Variants in ESRRG observed in about 807,000 individuals in gnomAD.
The protein encoded by ESRRG is estrogen related receptor gamma, also known as estrogen-related receptor gamma.
Under a neutral mutation model 44.0 loss-of-function variants are expected in ESRRG, and 13 were observed. The observed-to-expected ratio is 0.30, with a 90% CI of 0.19 to 0.47. The LOEUF (loss-of-function observed/expected upper bound fraction) is 0.47. Among genes scored for constraint, ESRRG ranks in the 20% least tolerant of loss-of-function variants. The probability of loss-of-function intolerance (pLI) is 1.00; values close to 1 mark genes in which losing one functional copy is unlikely to be tolerated. For missense variants in ESRRG, 395 were observed against 580.6 expected, an observed-to-expected ratio of 0.68 and a Z score of 3.29; for synonymous variants, 215 against 214.6, an observed-to-expected ratio of 1.00 and a Z score of -0.02.
rs567497746 is a variant in ESRRG at position 217,045,948 on chromosome 1, G to C, written c.-106+43559C>G. ...AAAATAAAATCAAAGTATATAGTTA[G>C]TATAGATTGAGATGCCTTTCCATTT... On this transcript the variant is annotated intron_variant, in intron 1 of 7. Transcript: ENST00000359162. Among the ~76,000 whole-genome samples, 378 of 152,180 alleles carry C rather than the reference G, an allele frequency of 2.5e-3. 1 individual carries two copies. The highest frequency in any genetic ancestry group is 4.4e-3 in the Non-Finnish European group (297 of 68,004).
At chr1:216,681,450 C>G (rs948319192) in intron 1 of ESRRG, among the ~76,000 whole-genome samples, 2 of 152,258 alleles carry the variant, frequency 1.3e-5, no homozygotes, top group African/African-American at 2.4e-5. Flanking sequence ...CTGCTCCCCC[C>G]ACCCGACAAC....
chr1:216,723,770 A>G (rs1177604461), upstream of ESRRG, among the ~76,000 whole-genome samples: 1 of 151,942 alleles, frequency 6.6e-6, no homozygotes. Context: ...CAAAAGAAAC[A>G]TAACTAACTT....
rs397796087 is a variant in ESRRG, at chr1:216,733,987, T to TAAAA, written c.-13-56500_-13-56497dup. On this transcript the variant is annotated intron_variant, in intron 2 of 7. Coordinates refer to the ESRRG transcript ENST00000359162. ...AACAGAGCAACAGAGCAAGACTCTGTAAAAAAAAAAAAAAAAAAAAACTCA... is the reference window on the plus strand; with the variant it reads ...AACAGAGCAACAGAGCAAGACTCTGTAAAAAAAAAAAAAAAAAAAAAAAAACTCA... 9.3e-5 allele frequency among the ~76,000 whole-genome samples: 10 copies of TAAAA among 107,226 alleles called. 1 individual carries two copies. The highest frequency in any genetic ancestry group is 1.3e-4 in the Non-Finnish European group (7 of 53,114). The allele number at this position is 107,226 out of a possible 152,430, so 70.3% of individuals were successfully genotyped here. A position where few individuals can be genotyped will look rare whatever the true frequency, so the allele number is the denominator to read the frequency against.
At chr1:216,545,283 A>G (rs1049116343) in intron 5 of ESRRG, among the ~76,000 whole-genome samples, 12 of 150,902 alleles carry the variant, frequency 8.0e-5, no homozygotes, top group Non-Finnish European at 1.3e-4. Context: ...GGCTGGTCTT[A>G]AACTCCTGGC....
At chr1:216,894,808 A>G (rs1291910552) in intron 2 of ESRRG, among the ~76,000 whole-genome samples, 2 of 152,154 alleles carry the variant, frequency 1.3e-5, no homozygotes, top group Non-Finnish European at 2.9e-5. Flanking sequence ...CCCTAGACTA[A>G]TCAATGGGAA....
At chr1:217,046,048 G>A (rs1470651364) in intron 1 of ESRRG, among the ~76,000 whole-genome samples, 2 of 152,020 alleles carry the variant, frequency 1.3e-5, no homozygotes, top group Non-Finnish European at 2.9e-5. Flanking sequence ...GGCATTTCCA[G>A]TGCTAAAAAA....
intron 1 of ESRRG, among the ~76,000 whole-genome samples, chr1:216,977,577 C>T (rs981499659): frequency 1.3e-5 from 2 of 152,086 alleles, no homozygotes; most frequent in East Asian, 3.9e-4. Flanking sequence ...GCCAAGTTTC[C>T]TCAGCTGGCA....
At chr1:217,117,928 T>A (rs76606809) in intron 1 of ESRRG, among the ~76,000 whole-genome samples, 1 of 152,178 alleles carries the variant, frequency 6.6e-6, no homozygotes, top group Non-Finnish European at 1.5e-5. Flanking sequence ...AGTTCAAAAT[T>A]CTTTACATTT....
intron 1 of ESRRG, among the ~76,000 whole-genome samples, chr1:217,062,018 G>A (rs6670268): frequency 0.3 from 45,050 of 151,942 alleles, 6,811 homozygotes; most frequent in Admixed American, 0.36. Context: ...TCAAGCATTC[G>A]TTAATGAATT....
chr1:216,636,817 T>C (rs1258173566), intron 3 of ESRRG, among the ~76,000 whole-genome samples: 8 of 152,234 alleles, frequency 5.3e-5, no homozygotes, highest in Non-Finnish European at 1.2e-4. Context: ...AACAAAACTT[T>C]TGATAGATTT....
intron 1 of ESRRG, among the ~76,000 whole-genome samples, chr1:217,118,145 C>G (rs898745712): frequency 6.6e-6 from 1 of 152,236 alleles, no homozygotes; most frequent in Admixed American, 6.5e-5. Context: ...CTCACCCCTT[C>G]ATCCATGTGG....
intron 1 of ESRRG, among the ~76,000 whole-genome samples, chr1:217,013,571 G>C (rs1362184959): frequency 6.6e-6 from 1 of 152,104 alleles, no homozygotes; most frequent in African/African-American, 2.4e-5. Context: ...AGATAATTTA[G>C]GGCTCACAGA....
At chr1:216,676,245 G>T (rs115582138) in intron 2 of ESRRG, among the ~76,000 whole-genome samples, 1 of 152,114 alleles carries the variant, frequency 6.6e-6, no homozygotes, top group African/African-American at 2.4e-5. Context: ...CAGTTTAAAA[G>T]GGCATAAACA....
intron 1 of ESRRG, among the ~76,000 whole-genome samples, chr1:216,711,278 C>T (rs2151969856): frequency 6.6e-6 from 1 of 152,256 alleles, no homozygotes; most frequent in East Asian, 1.9e-4. Context: ...GGGCACCTTT[C>T]CTGACTGCAA....
intron 1 of ESRRG, among the ~76,000 whole-genome samples, chr1:217,063,325 T>G (rs1458972146): frequency 2.0e-5 from 3 of 152,228 alleles, no homozygotes; most frequent in Admixed American, 6.5e-5. Context: ...GGTATAGATA[T>G]GTTCCTCAAA....
chr1:217,126,723 A>C (rs542886341), intron 1 of ESRRG, among the ~76,000 whole-genome samples: 3 of 152,296 alleles, frequency 2.0e-5, no homozygotes, highest in African/African-American at 7.2e-5. Context: ...ATCAATAATA[A>C]TTAACAATTG....
At chr1:216,586,031 C>T (rs1399635400) in intron 3 of ESRRG, among the ~76,000 whole-genome samples, 2 of 148,728 alleles carry the variant, frequency 1.3e-5, no homozygotes, top group East Asian at 2.0e-4. Context: ...CAGAGGGATA[C>T]TCCGTCTCAA....
At chr1:216,523,955 G>A (rs529904879) in intron 5 of ESRRG, among the ~76,000 whole-genome samples, 19 of 151,892 alleles carry the variant, frequency 1.3e-4, no homozygotes, top group Middle Eastern at 3.4e-3. Flanking sequence ...TTGAGAAGCT[G>A]ATTAAGCAAT....
chr1:216,768,433 G>A (rs2093196991), intron 2 of ESRRG, among the ~76,000 whole-genome samples: 2 of 124,616 alleles, frequency 1.6e-5, no homozygotes, highest in Non-Finnish European at 3.5e-5. Flanking sequence ...AATAGATATA[G>A]ATAGATCTAT....
Sources: gnomAD v4.1 joint callset for allele counts (sites outside exome capture counted in the v4.1 genomes callset) on GRCh38, gnomAD v4.1.1 for gene constraint, MANE v1.5 for transcripts, NCBI Gene and HGNC (gene_info 2026-07-23, HGNC 2026-07-21) for gene names.